The following ZNF608 variants were observed in gnomAD, a reference collection of about 807,000 sequenced individuals.
ZNF608 encodes zinc finger protein 608, also known as renal carcinoma antigen NY-REN-36.
ZNF608 carries 12 observed loss-of-function variants against 109.0 expected under a neutral mutation model. The observed-to-expected ratio is 0.11, with a 90% confidence interval of 0.07 to 0.18. The LOEUF (loss-of-function observed/expected upper bound fraction) is 0.18, where lower values mean the gene tolerates loss of function less well. Ranked by LOEUF, ZNF608 falls within the 10% of genes least tolerant of loss-of-function variation. ZNF608 has a pLI of 1.00. For synonymous variants in ZNF608, 732 were observed against 717.4 expected (o/e 1.02, Z -0.33); for missense variants, 1,707 against 1,879.3 (o/e 0.91, Z 1.70).
rs550009387 is a variant in ZNF608 at position 124,709,529 on chromosome 5, C to A, written c.907-8260G>T. ...AACTGTGTAGAGTTCCATAGCTAAG[C>A]GATATTGGTGGAGGCGGAGCAGACA... is the stretch of plus-strand genomic sequence containing the variant. On this transcript the variant is annotated intron_variant, in intron 2 of 9. Transcript: ENST00000513986. 2.6e-5 allele frequency among the ~76,000 whole-genome samples: 4 copies of A among 152,272 alleles called. No individual in the cohort carries two copies. The South Asian group carries it at 8.3e-4, about 32-fold the overall frequency.
At chr5:124,715,718 T>A (rs2149872486) in intron 2 of ZNF608, among the ~76,000 whole-genome samples, 1 of 152,304 alleles carries the variant, frequency 6.6e-6, no homozygotes, top group South Asian at 2.1e-4. Context: ...GTGTAAAAAA[T>A]CTTTTCAAAT....
chr5:124,690,541 A>T (rs1317672193), intron 3 of ZNF608, among the ~76,000 whole-genome samples: 1 of 152,158 alleles, frequency 6.6e-6, no homozygotes, highest in African/African-American at 2.4e-5. Context: ...CTCTTACAAA[A>T]CAGCCTTTTA....
rs749426215 is a variant in ZNF608 at position 124,744,653 on chromosome 5, TAGA to T, written c.334_336del (p.Ser112del). The T allele has an allele frequency of 5.6e-6, 9 of 1,614,220 alleles. No homozygotes were observed. The highest frequency in any genetic ancestry group is 7.6e-6 in the Non-Finnish European group (9 of 1,180,046). ...GAAGGCAGAGATTTATTAGCATCCT[TAGA>T]AGTTTTACTCCTTTTCACTTTTGAT... is the stretch of plus-strand genomic sequence containing the variant. On this transcript the variant is annotated inframe_deletion, in exon 2 of 10. Transcript: ENST00000513986. This position sits in a 1 kb window ranked among gnomAD's most constrained non-coding sequence, Gnocchi z 4.5.
rs561328389 is a variant in ZNF608, at chr5:124,707,308, C to A, written c.907-6039G>T. ...TCTGCTGCCAGGTAGAAGGAGAAGG[C>A]GAAACCCAGGACTGCCGAGAAGCAA... On this transcript the variant is annotated intron_variant, in intron 2 of 9. Coordinates refer to ENST00000513986, the MANE Select transcript of ZNF608 (RefSeq NM_020747.3). 5.3e-5 allele frequency among the ~76,000 whole-genome samples: 8 copies of A among 152,206 alleles called. No homozygotes were observed. The South Asian group carries it at 6.2e-4, about 12-fold the overall frequency.
rs1470299721 is a variant in ZNF608, at chr5:124,744,778, C to T, written c.212G>A (p.Ser71Asn). The T allele has an allele frequency of 1.2e-6, 2 of 1,614,248 alleles. No homozygotes were observed. Among genetic ancestry groups the T allele is most frequent in the Admixed American group, 1.7e-5 (1 of 60,036 alleles). Residue 71 changes from serine (S) to asparagine (N), a missense_variant, in exon 2 of 10, where the codon AGT (serine) becomes AAT (asparagine). Physicochemically the swap from Ser to Asn is conservative, Grantham distance 46. This residue lies in a region of ZNF608 where 407 missense variants were observed against 398.7 expected (regional missense o/e 1.02). Coordinates refer to ENST00000513986, the MANE Select transcript of ZNF608 (RefSeq NM_020747.3). The surrounding 1 kb of genome is among the most constrained non-coding windows in gnomAD (Gnocchi z 4.5). ...NSKDCGGPAS[S>N]GAGATAALAD... Reference sequence around the variant, plus strand: ...TAAGGCTGCGGTAGCACCAGCCCCACTGGAGGCCGGACCTCCACAATCCTT... The same window carrying T: ...TAAGGCTGCGGTAGCACCAGCCCCATTGGAGGCCGGACCTCCACAATCCTT...
At chr5:124,709,225 G>A (rs1753392919) in intron 2 of ZNF608, among the ~76,000 whole-genome samples, 1 of 149,190 alleles carries the variant, frequency 6.7e-6, no homozygotes, top group Non-Finnish European at 1.5e-5. Context: ...TACTGCTTTG[G>A]GGTGGAGAGG....
At position 124,744,940 on chromosome 5, in the gene ZNF608, A is replaced by T; in HGVS notation, c.50T>A (p.Val17Asp). The T allele has an allele frequency of 6.2e-7, 1 of 1,614,094 alleles. No homozygotes were observed. The highest frequency in any genetic ancestry group is 2.2e-5 in the East Asian group (1 of 44,886). Residue 17 changes from valine to aspartate, a missense_variant, in exon 2 of 10, where the codon GTT (valine) becomes GAT (aspartate). Coordinates refer to ENST00000513986, the MANE Select transcript of ZNF608 (RefSeq NM_020747.3). This position sits in a 1 kb window ranked among gnomAD's most constrained non-coding sequence, Gnocchi z 4.5. ...ATCATCGCCACTGTCATAAGTATCA[A>T]CTGTATTTGGATCCACACCTTTTCC... Reference protein sequence around the residue: ...TAGKGVDPNTVDTYDSGDDWE... With the variant: ...TAGKGVDPNTDDTYDSGDDWE...
Position 124,695,163 on chromosome 5 carries a change from G to A in ZNF608, c.1162+5851C>T, listed in dbSNP as rs576548981. ...TCCCCATTACTGCACTGTTATAATCGCCACTGACTTGGATAGGGGTAACGA... is the reference window on the plus strand; with the variant it reads ...TCCCCATTACTGCACTGTTATAATCACCACTGACTTGGATAGGGGTAACGA... On this transcript the variant is annotated intron_variant, in intron 3 of 9. Coordinates refer to ENST00000513986, the MANE Select transcript of ZNF608 (RefSeq NM_020747.3). 5.3e-5 allele frequency among the ~76,000 whole-genome samples: 8 copies of A among 152,052 alleles called. No homozygotes were observed. In the East Asian group the frequency reaches 1.4e-3, roughly 26 times the overall value.
chr5:124,682,647 G>A lies in ZNF608; in HGVS notation c.1162+18367C>T, dbSNP rs545659952. Among the ~76,000 whole-genome samples the A allele has an allele frequency of 2.6e-5, 4 of 152,328 alleles. No individual in the cohort carries two copies. The South Asian group carries it at 6.2e-4, about 24-fold the overall frequency. On this transcript the variant is annotated intron_variant, in intron 3 of 9. Coordinates refer to ENST00000513986, the MANE Select transcript of ZNF608 (RefSeq NM_020747.3). ...TTGGTGTATTTCAATACACCCAGAA[G>A]CAATTTATAATTCTGGCATGACAGT...
At chr5:124,697,239 A>C (rs1752886323) in intron 3 of ZNF608, among the ~76,000 whole-genome samples, 1 of 151,288 alleles carries the variant, frequency 6.6e-6, no homozygotes, top group African/African-American at 2.4e-5. Context: ...AAAAAAAAAA[A>C]AGCCAATAAG....
chr5:124,668,202 A>ATATATATATATATAT (rs1441504606), intron 3 of ZNF608, among the ~76,000 whole-genome samples: 1 of 144,112 alleles, frequency 6.9e-6, no homozygotes, highest in Non-Finnish European at 1.5e-5. Flanking sequence ...AAAAATATAT[A>ATATATATATATATAT]TATATATATA....
Position 124,647,523 on chromosome 5 carries a change from C to T in ZNF608, c.2861G>A (p.Arg954Lys), listed in dbSNP as rs758899606. The change falls in exon 5 of 10, where the codon AGG becomes AAG. Residue 954 changes from arginine to lysine, a missense_variant. By Grantham distance (26) the Arg-to-Lys change is conservative. Around this residue, in one of 7 missense-constraint regions of ZNF608, gnomAD observed 1,073 missense variants for 1,133.5 expected, o/e 0.95. Coordinates refer to ENST00000513986, the MANE Select transcript of ZNF608 (RefSeq NM_020747.3). ...DAADDGGSDSRSEGMRSKASS... is the reference protein window; with the variant it reads ...DAADDGGSDSKSEGMRSKASS... ...GGCCTTTGATCTCATACCCTCCGAC[C>T]TGCTGTCAGAACCACCATCGTCAGC... The T allele has an allele frequency of 5.6e-6, 9 of 1,614,012 alleles. No individual in the cohort carries two copies. The highest frequency in any genetic ancestry group is 7.6e-6 in the Non-Finnish European group (9 of 1,180,010).
intron 2 of ZNF608, among the ~76,000 whole-genome samples, chr5:124,721,649 A>G (rs2149879336): frequency 6.6e-6 from 1 of 152,162 alleles, no homozygotes; most frequent in African/African-American, 2.4e-5. Context: ...AAGAACTCAG[A>G]GCCAGGCCGG....
At chr5:124,667,130 A>G (rs543597731) in intron 3 of ZNF608, among the ~76,000 whole-genome samples, 20 of 152,218 alleles carry the variant, frequency 1.3e-4, no homozygotes, top group Non-Finnish European at 2.4e-4. Flanking sequence ...CCCTGAGTGC[A>G]TGAAGTATTT....
In ZNF608 at chr5:124,692,350, A is replaced by T. The variant is rs373528076; in HGVS notation, c.1162+8664T>A. Among the ~76,000 whole-genome samples the T allele has an allele frequency of 2.0e-4, 30 of 152,364 alleles. No individual in the cohort carries two copies. The East Asian group carries it at 4.0e-3, about 21-fold the overall frequency. On this transcript the variant is annotated intron_variant, in intron 3 of 9. Transcript: ENST00000513986. ...GTTCCACGAATTTATTCAACATTCAACAAATATGTATGGCGCACTGACTCT... is the reference window on the plus strand; with the variant it reads ...GTTCCACGAATTTATTCAACATTCATCAAATATGTATGGCGCACTGACTCT...
intron 2 of ZNF608, among the ~76,000 whole-genome samples, chr5:124,729,948 G>A (rs749204216): frequency 4.6e-5 from 7 of 152,150 alleles, no homozygotes; most frequent in African/African-American, 4.8e-5. Flanking sequence ...AATTATGCAC[G>A]CACATTCAGG....
At chr5:124,678,338 G>C (rs1752046993) in intron 3 of ZNF608, among the ~76,000 whole-genome samples, 1 of 152,136 alleles carries the variant, frequency 6.6e-6, no homozygotes, top group Non-Finnish European at 1.5e-5. Context: ...AATTGTAATA[G>C]ACTAAAATTA....
upstream of ZNF608, chr5:124,746,793 A>G: frequency 2.0e-6 from 2 of 984,002 alleles, no homozygotes; most frequent in Non-Finnish European, 2.4e-6. Flanking sequence ...CTAACTTAAG[A>G]GAAAAGGAGG....
At chr5:124,728,375 G>T (rs1161007668) in intron 2 of ZNF608, among the ~76,000 whole-genome samples, 1 of 152,144 alleles carries the variant, frequency 6.6e-6, no homozygotes, top group African/African-American at 2.4e-5. Flanking sequence ...TAGCCAAGGG[G>T]ATCAAAGCAA....
Sources: allele counts gnomAD v4.1 joint callset (sites outside exome capture counted in the v4.1 genomes callset), GRCh38; gene constraint gnomAD v4.1.1; regional missense constraint gnomAD v4.1.1; non-coding constraint Gnocchi (gnomAD v3.1); transcripts MANE v1.5; gene names NCBI Gene and HGNC (gene_info 2026-07-23, HGNC 2026-07-21).